Variants in PTPRD observed in about 807,000 individuals in gnomAD.
PTPRD encodes the protein receptor-type tyrosine-protein phosphatase delta.
A neutral mutation model predicts 214.5 loss-of-function variants in PTPRD; 34 were observed. The ratio of observed to expected loss-of-function variants is 0.16; its 90% CI spans 0.12 to 0.21. The LOEUF (loss-of-function observed/expected upper bound fraction) is 0.21. PTPRD is among the 10% of genes least tolerant of loss of function. PTPRD has a pLI of 1.00. For missense variants in PTPRD, 2,545 were observed against 2,398.7 expected (o/e 1.06, Z -1.27); for synonymous variants, 1,128 against 845.7 (o/e 1.33, Z -5.79).
intron 14 of PTPRD, among the ~76,000 whole-genome samples, chr9:8,587,189 G>C (rs2093731829): frequency 6.6e-6 from 1 of 152,056 alleles, no homozygotes; most frequent in African/African-American, 2.4e-5. Context: ...CGGAAGCCTA[G>C]AAATATTAAG....
intron 7 of PTPRD, among the ~76,000 whole-genome samples, chr9:9,643,600 C>T (rs1340369810): frequency 6.6e-6 from 1 of 152,028 alleles, no homozygotes; most frequent in African/African-American, 2.4e-5. Context: ...ATTAATAGAT[C>T]CTCACTTTTA....
At chr9:9,222,265 C>A (rs2099956600) in intron 9 of PTPRD, among the ~76,000 whole-genome samples, 1 of 151,942 alleles carries the variant, frequency 6.6e-6, no homozygotes, top group Non-Finnish European at 1.5e-5. Context: ...ACTTCCAGGC[C>A]TTAACATAAA....
chr9:8,365,059 CTTGAGTCCA>C (rs2079469286), intron 39 of PTPRD, among the ~76,000 whole-genome samples: 2 of 152,004 alleles, frequency 1.3e-5, no homozygotes, highest in East Asian at 3.9e-4. Context: ...AGTCTGAAGA[CTTGAGTCCA>C]GCAGAAGCCT....
intron 7 of PTPRD, among the ~76,000 whole-genome samples, chr9:9,708,382 C>T (rs2097665604): frequency 6.6e-6 from 1 of 152,092 alleles, no homozygotes; most frequent in Non-Finnish European, 1.5e-5. Context: ...ATGAGACAGA[C>T]TATATTTCAT....
intron 11 of PTPRD, among the ~76,000 whole-genome samples, chr9:9,004,641 T>C (rs934275978): frequency 2.6e-5 from 4 of 152,058 alleles, no homozygotes; most frequent in African/African-American, 9.7e-5. Flanking sequence ...TTAATTTATG[T>C]TTGGATGATA....
At chr9:10,581,807 T>G (rs534088837) in intron 2 of PTPRD, among the ~76,000 whole-genome samples, 15 of 152,308 alleles carry the variant, frequency 9.8e-5, no homozygotes, top group Admixed American at 6.5e-4. Flanking sequence ...TTTTAACAAG[T>G]GAAGATACTT....
intron 2 of PTPRD, among the ~76,000 whole-genome samples, chr9:10,510,827 A>AT (rs1247751604): frequency 6.6e-6 from 1 of 152,072 alleles, no homozygotes; most frequent in Admixed American, 6.6e-5. Flanking sequence ...TTTTGTACCT[A>AT]TTAACCAACC....
At chr9:9,249,714 A>T (rs2099974657) in intron 9 of PTPRD, among the ~76,000 whole-genome samples, 1 of 151,934 alleles carries the variant, frequency 6.6e-6, no homozygotes, top group Admixed American at 6.6e-5. Context: ...TCCACGGTGG[A>T]CTCTTGTCAC....
chr9:9,713,878 T>C (rs2097775307), intron 7 of PTPRD, among the ~76,000 whole-genome samples: 2 of 152,212 alleles, frequency 1.3e-5, no homozygotes, highest in African/African-American at 4.8e-5. Flanking sequence ...AATCATGGGA[T>C]GTCTTTCTCC....
intron 10 of PTPRD, among the ~76,000 whole-genome samples, chr9:9,140,540 C>G (rs1011202821): frequency 2.6e-5 from 4 of 152,176 alleles, no homozygotes; most frequent in African/African-American, 9.7e-5. Flanking sequence ...TTTCAAGACG[C>G]TGGGGATTGG....
chr9:9,249,575 G>T lies in PTPRD; in HGVS notation c.-202-66212C>A, dbSNP rs541357433. ...TTTTTGTCTATGTCTCTGTGTCACT[G>T]ATTGCCTGGCTTTGTCTCTGTTTCT... is the stretch of plus-strand genomic sequence containing the variant. On this transcript the variant is annotated intron_variant, in intron 9 of 45. Transcript: ENST00000381196. 1.1e-4 allele frequency among the ~76,000 whole-genome samples: 16 copies of T among 152,090 alleles called. No homozygotes were observed. The South Asian group carries it at 2.7e-3, about 26-fold the overall frequency.
chr9:9,254,617 G>A (rs2099976926), intron 9 of PTPRD, among the ~76,000 whole-genome samples: 1 of 152,022 alleles, frequency 6.6e-6, no homozygotes, highest in Non-Finnish European at 1.5e-5. Context: ...TCCCAAAGAT[G>A]AAGATGATTT....
intron 8 of PTPRD, among the ~76,000 whole-genome samples, chr9:9,530,478 A>T (rs2075212824): frequency 6.6e-6 from 1 of 152,118 alleles, no homozygotes; most frequent in Admixed American, 6.5e-5. Context: ...ACAAGTAATG[A>T]CATTGAATCA....
intron 4 of PTPRD, among the ~76,000 whole-genome samples, chr9:10,030,210 G>A (rs535839158): frequency 3.9e-5 from 6 of 152,198 alleles, no homozygotes; most frequent in African/African-American, 1.4e-4. Context: ...TAACACAGTG[G>A]GTTTGACAAG....
At chr9:10,270,061 G>A (rs564977628) in intron 3 of PTPRD, among the ~76,000 whole-genome samples, 1 of 152,124 alleles carries the variant, frequency 6.6e-6, no homozygotes, top group East Asian at 1.9e-4. Flanking sequence ...TAAAAGTTGA[G>A]TCCTGTTCAG....
At chr9:9,126,943 C>G (rs1203073181) in intron 10 of PTPRD, among the ~76,000 whole-genome samples, 2 of 151,912 alleles carry the variant, frequency 1.3e-5, no homozygotes, top group South Asian at 2.1e-4. Context: ...GCACAAGGAA[C>G]AAACCCAGAA....
intron 39 of PTPRD, among the ~76,000 whole-genome samples, chr9:8,370,361 T>C (rs1438270320): frequency 6.6e-6 from 1 of 152,042 alleles, no homozygotes; most frequent in African/African-American, 2.4e-5. Context: ...GAACTGGATA[T>C]AATGATGGGT....
intron 3 of PTPRD, among the ~76,000 whole-genome samples, chr9:10,262,858 C>A (rs2093787919): frequency 6.6e-6 from 1 of 152,164 alleles, no homozygotes; most frequent in Non-Finnish European, 1.5e-5. Context: ...CACCAAATCT[C>A]ATCTTGAATT....
At chr9:8,993,522 G>A (rs752411633) in intron 11 of PTPRD, among the ~76,000 whole-genome samples, 2 of 152,044 alleles carry the variant, frequency 1.3e-5, no homozygotes, top group South Asian at 2.1e-4. Context: ...TGTATAGTCT[G>A]AGCAATATGA....
Sources: gnomAD v4.1 joint callset for allele counts (sites outside exome capture counted in the v4.1 genomes callset) on GRCh38, gnomAD v4.1.1 for gene constraint, MANE v1.5 for transcripts, NCBI Gene and HGNC (gene_info 2026-07-23, HGNC 2026-07-21) for gene names.